ASIC2: variants seen among roughly 807,000 people sequenced by gnomAD.
The protein encoded by ASIC2 is acid-sensing ion channel 2.
In ASIC2, 25 loss-of-function variants were observed where a neutral mutation model predicts 57.3. The ratio of observed to expected loss-of-function variants is 0.44; its 90% CI spans 0.32 to 0.61. The LOEUF is 0.61. Among genes scored for constraint, ASIC2 ranks in the 20% least tolerant of loss-of-function variants. The pLI, the probability that ASIC2 is intolerant of heterozygous loss-of-function variation, is 0.06. For synonymous variants in ASIC2, 319 were observed against 307.5 expected, an observed-to-expected ratio of 1.04 and a Z score of -0.39; for missense variants, 641 against 738.1, an observed-to-expected ratio of 0.87 and a Z score of 1.52.
At chr17:33,341,104 C>T (rs778577025) in intron 1 of ASIC2, among the ~76,000 whole-genome samples, 9 of 152,132 alleles carry the variant, frequency 5.9e-5, no homozygotes, top group South Asian at 2.1e-4. Context: ...GGATTTGCAG[C>T]GATCTTTAAG....
chr17:33,348,858 C>T (rs1908052771), intron 1 of ASIC2, among the ~76,000 whole-genome samples: 1 of 152,114 alleles, frequency 6.6e-6, no homozygotes, highest in Admixed American at 6.6e-5. Flanking sequence ...GAGCAGGGAT[C>T]TCATGTGTCC....
intron 1 of ASIC2, among the ~76,000 whole-genome samples, chr17:33,767,559 A>G (rs1001792483): frequency 2.6e-5 from 4 of 151,280 alleles, no homozygotes; most frequent in East Asian, 1.9e-4. Context: ...CAATTAACTC[A>G]TGTATGAATA....
At chr17:33,672,037 A>C (rs891039267) in intron 1 of ASIC2, among the ~76,000 whole-genome samples, 1 of 152,186 alleles carries the variant, frequency 6.6e-6, no homozygotes, top group Non-Finnish European at 1.5e-5. Context: ...TGAAAAGCCA[A>C]GAAAAAAAAT....
At chr17:33,814,687 C>G (rs1394287471) in intron 1 of ASIC2, among the ~76,000 whole-genome samples, 1 of 152,234 alleles carries the variant, frequency 6.6e-6, no homozygotes, top group Non-Finnish European at 1.5e-5. Flanking sequence ...ATTAGCCTGT[C>G]TGTTGGGATT....
At chr17:33,890,912 G>A (rs957259888) in intron 1 of ASIC2, among the ~76,000 whole-genome samples, 1 of 29,854 alleles carries the variant, frequency 3.3e-5, no homozygotes, top group African/African-American at 4.5e-4. Context: ...TGGAGAGCTT[G>A]GTAAGCAGCA....
At chr17:33,381,664 T>C (rs1457051782) in intron 1 of ASIC2, among the ~76,000 whole-genome samples, 1 of 152,142 alleles carries the variant, frequency 6.6e-6, no homozygotes, top group Non-Finnish European at 1.5e-5. Flanking sequence ...AGAAAAAGTA[T>C]AGAAAGAGCT....
chr17:33,372,823 G>C (rs181100412), intron 1 of ASIC2, among the ~76,000 whole-genome samples: 1 of 152,322 alleles, frequency 6.6e-6, no homozygotes, highest in East Asian at 1.9e-4. Context: ...GTCCGTCTTG[G>C]CTGAGGGTAG....
At chr17:34,104,588 CT>C (rs1312405593) in intron 1 of ASIC2, among the ~76,000 whole-genome samples, 1 of 152,012 alleles carries the variant, frequency 6.6e-6, no homozygotes, top group Non-Finnish European at 1.5e-5. Flanking sequence ...TAACAATAGA[CT>C]CTTGCACATG....
At chr17:34,029,276 A>T (rs113863987) in intron 1 of ASIC2, among the ~76,000 whole-genome samples, 1 of 151,390 alleles carries the variant, frequency 6.6e-6, no homozygotes, top group African/African-American at 2.4e-5. Flanking sequence ...TGTTTTCTCT[A>T]TTACTGTCAT....
chr17:33,887,357 T>C (rs1221143694), intron 1 of ASIC2, among the ~76,000 whole-genome samples: 1 of 152,028 alleles, frequency 6.6e-6, no homozygotes, highest in African/African-American at 2.4e-5. Context: ...ATGATCAGGG[T>C]TCATCAAAGA....
At chr17:33,120,391 T>G (rs1464534658) in intron 1 of ASIC2, among the ~76,000 whole-genome samples, 1 of 152,238 alleles carries the variant, frequency 6.6e-6, no homozygotes, top group African/African-American at 2.4e-5. Flanking sequence ...CCTGCAAATC[T>G]GTCTGTTGGT....
At chr17:33,417,989 G>A (rs979411468) in intron 1 of ASIC2, among the ~76,000 whole-genome samples, 1 of 150,364 alleles carries the variant, frequency 6.7e-6, no homozygotes, top group African/African-American at 2.5e-5. Flanking sequence ...TCTTGGAATC[G>A]GGAGCCAGAG....
chr17:34,075,358 G>T (rs1909595982), intron 1 of ASIC2, among the ~76,000 whole-genome samples: 1 of 152,202 alleles, frequency 6.6e-6, no homozygotes, highest in African/African-American at 2.4e-5. Flanking sequence ...AAAATTAGCT[G>T]TGTGGCCATG....
At chr17:33,667,736 T>C (rs1907520462) in intron 1 of ASIC2, among the ~76,000 whole-genome samples, 1 of 152,220 alleles carries the variant, frequency 6.6e-6, no homozygotes, top group Admixed American at 6.5e-5. Flanking sequence ...GAACTAACCT[T>C]CTTCTTACTC....
chr17:33,712,993 CA>C (rs1199250719), intron 1 of ASIC2, among the ~76,000 whole-genome samples: 1 of 152,180 alleles, frequency 6.6e-6, no homozygotes, highest in Non-Finnish European at 1.5e-5. Flanking sequence ...AGACCTTCTT[CA>C]GTTCCTTGCC....
chr17:33,228,706 A>G (rs1330770427), intron 1 of ASIC2, among the ~76,000 whole-genome samples: 1 of 152,238 alleles, frequency 6.6e-6, no homozygotes, highest in Non-Finnish European at 1.5e-5. Flanking sequence ...GCTGGAGTCA[A>G]ATGTTGACAT....
At chr17:33,679,677 C>A (rs367638136) in intron 1 of ASIC2, among the ~76,000 whole-genome samples, 1 of 152,172 alleles carries the variant, frequency 6.6e-6, no homozygotes, top group Admixed American at 6.5e-5. Flanking sequence ...CCAGGAAAGC[C>A]TCCTGAGAAG....
At chr17:33,909,123 T>C (rs1597925635) in intron 1 of ASIC2, among the ~76,000 whole-genome samples, 1 of 152,148 alleles carries the variant, frequency 6.6e-6, no homozygotes, top group African/African-American at 2.4e-5. Flanking sequence ...TCCATGATAA[T>C]TGGGAGGGGC....
At chr17:34,066,062 G>A (rs1052530300) in intron 1 of ASIC2, among the ~76,000 whole-genome samples, 2 of 152,042 alleles carry the variant, frequency 1.3e-5, no homozygotes, top group African/African-American at 4.8e-5. Context: ...TCGAGAACAG[G>A]AATTTGAGAC....
Sources: gnomAD v4.1 joint callset for allele counts (sites outside exome capture counted in the v4.1 genomes callset) on GRCh38, gnomAD v4.1.1 for gene constraint, MANE v1.5 for transcripts, NCBI Gene and HGNC (gene_info 2026-07-23, HGNC 2026-07-21) for gene names.